The following CRYAB variants were observed in gnomAD, a reference collection of about 807,000 sequenced individuals.
CRYAB encodes crystallin alpha B, also known as alpha-crystallin B chain.
CRYAB carries 9 observed loss-of-function variants against 12.7 expected under a neutral mutation model. The ratio of observed to expected loss-of-function variants is 0.71; its 90% CI spans 0.43 to 1.24. The LOEUF (loss-of-function observed/expected upper bound fraction) is 1.24. Ranked by LOEUF, CRYAB falls within the 50% of genes most tolerant of loss-of-function variation. The pLI, the probability that CRYAB is intolerant of heterozygous loss-of-function variation, is 0.00. For missense variants in CRYAB, 183 were observed against 226.6 expected (o/e 0.81, Z 1.24); for synonymous variants, 93 against 86.8 (o/e 1.07, Z -0.40).
chr11:111,912,856 C>T (rs1423540939), upstream of CRYAB: 11 of 1,607,276 alleles, frequency 6.8e-6, no homozygotes, highest in Non-Finnish European at 9.3e-6. Flanking sequence ...TGCCACATGC[C>T]CACCCGGCCA....
At chr11:111,922,014 GC>G (rs1378373320) in intron 1 of CRYAB, among the ~76,000 whole-genome samples, 5 of 152,148 alleles carry the variant, frequency 3.3e-5, no homozygotes, top group Non-Finnish European at 7.3e-5. Flanking sequence ...TGTATTTTTA[GC>G]AGAGACGGGG....
At chr11:111,919,080 T>A in intron 1 of CRYAB, 2 of 1,531,078 alleles carry the variant, frequency 1.3e-6, no homozygotes, top group Non-Finnish European at 1.8e-6. Flanking sequence ...TCAGAGGACC[T>A]GGAGATAGTT....
Position 111,908,776 on chromosome 11 carries a change from G to T in CRYAB, c.516C>A (p.Ala172=), listed in dbSNP as rs143500486. The T allele has an allele frequency of 1.4e-5, 23 of 1,612,494 alleles. No individual in the cohort carries two copies. Among genetic ancestry groups the T allele is most frequent in the Non-Finnish European group, 1.8e-5 (21 of 1,180,010 alleles). The change falls in exon 3 of 3, where the codon GCC becomes GCA. Residue 172 remains alanine (A), a synonymous_variant. Coordinates refer to ENST00000650687, the MANE Select transcript of CRYAB (RefSeq NM_001289808.2). ...CAAGAAAGGGCATCTATTTCTTGGG[G>T]GCTGCGGTGACAGCAGGCTTCTCTT... ...TREEKPAVTA[A]PKK
At chr11:111,920,408 C>T (rs1965672562) in intron 1 of CRYAB, among the ~76,000 whole-genome samples, 1 of 151,954 alleles carries the variant, frequency 6.6e-6, no homozygotes, top group Middle Eastern at 3.4e-3. Flanking sequence ...CATGGTGGCA[C>T]ACGCCTGTAA....
At chr11:111,916,233 CT>C (rs782307077), upstream of CRYAB, among the ~76,000 whole-genome samples, 807 of 142,280 alleles carry the variant, frequency 5.7e-3, 2 homozygotes, top group South Asian at 0.022. Context: ...ATGCCTAGTT[CT>C]TTTTTTTTTT....
chr11:111,910,052 G>A (rs1324673534), intron 2 of CRYAB: 1 of 630,532 alleles, frequency 1.6e-6, no homozygotes, highest in Non-Finnish European at 2.8e-6. Context: ...TTCTAATGTG[G>A]CCCAGATTCA....
intron 1 of CRYAB, 195 bp from the exon 2 acceptor site, chr11:111,910,644 T>A (rs1555165453): frequency 2.9e-6 from 2 of 694,704 alleles, no homozygotes; most frequent in Non-Finnish European, 4.9e-6. Flanking sequence ...CTAAGGCTCA[T>A]GGTGATCAGA....
upstream of CRYAB, chr11:111,913,541 C>A (rs1215642803): frequency 6.2e-7 from 1 of 1,614,162 alleles, no homozygotes. Flanking sequence ...CAGGGGCCTC[C>A]GAGCTTAGGC....
chr11:111,913,316 C>T (rs781895872), upstream of CRYAB: 23 of 742,604 alleles, frequency 3.1e-5, no homozygotes, highest in Non-Finnish European at 4.1e-5. Context: ...GCCTCCCTCC[C>T]GTTCCCTACT....
At chr11:111,910,304 A>G in intron 2 of CRYAB, 23 bp downstream of exon 2, 1 of 1,614,108 alleles carries the variant, frequency 6.2e-7, no homozygotes. Context: ...AATGAGCAGA[A>G]AACAAAAAAA....
At chr11:111,909,634 T>C (rs1289259811) in intron 2 of CRYAB, 2 of 202,202 alleles carry the variant, frequency 9.9e-6, no homozygotes, top group African/African-American at 2.4e-5. Flanking sequence ...CTCAAGCATG[T>C]AGCCAAACAG....
upstream of CRYAB, among the ~76,000 whole-genome samples, chr11:111,917,846 A>AAAAG (rs1327882082): frequency 3.3e-5 from 5 of 152,130 alleles, no homozygotes; most frequent in Admixed American, 2.6e-4. Flanking sequence ...CTTTAAAAAT[A>AAAAG]AAAGAAAGAA....
chr11:111,920,532 T>G (rs782216539), intron 1 of CRYAB, among the ~76,000 whole-genome samples: 7 of 150,514 alleles, frequency 4.7e-5, no homozygotes, highest in Non-Finnish European at 1.0e-4. Flanking sequence ...AGCGAGACTA[T>G]GTCTTGAAAA....
rs1555165209 is a variant in CRYAB, at chr11:111,908,732, T to C, written c.*32A>G. The C allele has an allele frequency of 2.5e-6, 4 of 1,608,700 alleles. No homozygotes were observed. The African/African-American group carries it at 4.0e-5, about 16-fold the overall frequency. ...TCATTCACTGGTGGGGAAACTTTCT[T>C]GTTTTAAAAAATGCAATTCAAGAAA... On this transcript the variant is annotated 3_prime_UTR_variant, in exon 3 of 3. Transcript: ENST00000650687.
upstream of CRYAB, among the ~76,000 whole-genome samples, chr11:111,914,295 T>C (rs1252535034): frequency 1.3e-5 from 2 of 152,106 alleles, no homozygotes; most frequent in Non-Finnish European, 2.9e-5. Context: ...TTTCTCACAA[T>C]GCAACAAAAG....
chr11:111,916,547 A>G (rs587642347), upstream of CRYAB, among the ~76,000 whole-genome samples: 7 of 152,314 alleles, frequency 4.6e-5, no homozygotes, highest in South Asian at 1.5e-3. Context: ...CAACCATATC[A>G]TACAGCACTT....
chr11:111,909,212 G>T (rs1555165302), intron 2 of CRYAB: 5 of 582,086 alleles, frequency 8.6e-6, no homozygotes, highest in Non-Finnish European at 1.6e-5. Flanking sequence ...AAACCCTGAG[G>T]CATAGATATG....
At chr11:111,913,199 G>A (rs1378630609), upstream of CRYAB, 2 of 602,282 alleles carry the variant, frequency 3.3e-6, no homozygotes, top group South Asian at 2.0e-5. Context: ...AGGCCGTTTG[G>A]TGCCTCCTCC....
intron 2 of CRYAB, 61 bp from the exon 3 acceptor site, chr11:111,909,028 C>A: frequency 6.4e-7 from 1 of 1,570,170 alleles, no homozygotes; most frequent in Non-Finnish European, 8.7e-7. Flanking sequence ...TATCACCTGC[C>A]CAGAACTCAG....
Sources: gnomAD v4.1 joint callset for allele counts (sites outside exome capture counted in the v4.1 genomes callset) on GRCh38, gnomAD v4.1.1 for gene constraint, MANE v1.5 for transcripts, NCBI Gene and HGNC (gene_info 2026-07-23, HGNC 2026-07-21) for gene names.